Variants in CAV2 observed in about 807,000 individuals in gnomAD.
The protein encoded by CAV2 is caveolin-2.
In CAV2, 7 loss-of-function variants were observed where a neutral mutation model predicts 15.5. The ratio of observed to expected loss-of-function variants is 0.45; its 90% CI spans 0.26 to 0.85. The LOEUF (loss-of-function observed/expected upper bound fraction) is 0.85, where lower values mean the gene tolerates loss of function less well. Ranked by LOEUF, CAV2 falls within the 40% of genes least tolerant of loss-of-function variation. The pLI is 0.18. For missense variants in CAV2, 229 were observed against 208.8 expected (o/e 1.10, Z -0.60); for synonymous variants, 76 against 83.1 (o/e 0.91, Z 0.46).
rs200069822 is a variant in CAV2, at chr7:116,500,298, G to T, written c.189G>T (p.Thr63=). The part of the protein sequence containing the change: ...FEDVIAEPVT[T]HSFDKVWICS... Reference sequence around the variant, plus strand: ...ATGTGATCGCAGAGCCGGTGACTACGCACTCCTTTGACAAAGTGTGGATCT... The same window carrying T: ...ATGTGATCGCAGAGCCGGTGACTACTCACTCCTTTGACAAAGTGTGGATCT... The change falls in exon 2 of 3, where the codon ACG becomes ACT. Residue 63 remains threonine, a synonymous_variant. Coordinates refer to ENST00000222693, the MANE Select transcript of CAV2 (RefSeq NM_001233.5). 1 of 1,614,204 alleles carries T rather than the reference G, an allele frequency of 6.2e-7. No homozygotes were observed. The highest frequency in any genetic ancestry group is 1.3e-5 in the African/African-American group (1 of 75,062).
In CAV2 at chr7:116,500,360, T is replaced by A. The variant is rs764651052; in HGVS notation, c.251T>A (p.Met84Lys). The A allele has an allele frequency of 5.0e-6, 8 of 1,614,088 alleles. No individual in the cohort carries two copies. In the Admixed American group the frequency reaches 1.3e-4, roughly 27 times the overall value. ...HALFEISKYVMYKFLTVFLAI... is the reference protein window; with the variant it reads ...HALFEISKYVKYKFLTVFLAI... ...CTCTTTGAAATCAGCAAATACGTAA[T>A]GTACAAGTTCCTGACGGTGTTCCTG... Residue 84 changes from methionine to lysine, a missense_variant, in exon 2 of 3, where the codon ATG becomes AAG. By Grantham distance (95) the Met-to-Lys change is moderately conservative (BLOSUM62 -1). Transcript: ENST00000222693.
Position 116,500,436 on chromosome 7 carries a change from T to A in CAV2, c.327T>A (p.Cys109Ter). 2 of 1,613,024 alleles carry A rather than the reference T, an allele frequency of 1.2e-6. No individual in the cohort carries two copies. Among genetic ancestry groups the A allele is most frequent in the Non-Finnish European group, 1.7e-6 (2 of 1,179,572 alleles). ...IAGILFATLS[C>*]LHIWILMPFV... The stretch of plus-strand genomic sequence containing the variant: ...GAATTCTCTTTGCCACCCTCAGCTG[T>A]CTGCACATCTGGTGAGACGGGGCAC... The change falls in exon 2 of 3, where the codon TGT becomes TGA. Residue 109 changes from cysteine (C) to a stop codon, truncating the protein, a stop_gained. Coordinates refer to ENST00000222693, the MANE Select transcript of CAV2 (RefSeq NM_001233.5). LOFTEE classifies it high-confidence loss of function.
chr7:116,499,983 G>T, intron 1 of CAV2, 52 bp downstream of exon 1: 1 of 1,588,790 alleles, frequency 6.3e-7, no homozygotes, highest in Non-Finnish European at 8.6e-7. Context: ...GGGAGGTGCG[G>T]GCGCCCCTCA....
chr7:116,500,334 C>A lies in CAV2; in HGVS notation c.225C>A (p.Ala75=). 1 of 1,614,130 alleles carries A rather than the reference C, an allele frequency of 6.2e-7. No individual in the cohort carries two copies. Among genetic ancestry groups the A allele is most frequent in the South Asian group, 1.1e-5 (1 of 91,078 alleles). The change falls in exon 2 of 3, where the codon GCC becomes GCA. Residue 75 remains alanine (A), a synonymous_variant. Coordinates refer to ENST00000222693, the MANE Select transcript of CAV2 (RefSeq NM_001233.5). ...ACAAAGTGTGGATCTGCAGCCATGC[C>A]CTCTTTGAAATCAGCAAATACGTAA... ...SFDKVWICSH[A]LFEISKYVMY...
intron 2 of CAV2, among the ~76,000 whole-genome samples, chr7:116,505,722 G>T (rs1422779227): frequency 1.3e-5 from 2 of 152,090 alleles, no homozygotes; most frequent in Non-Finnish European, 2.9e-5. Flanking sequence ...ATTCATGAGG[G>T]ATCTACCCGC....
At chr7:116,504,520 ATATC>A (rs1793186810) in intron 2 of CAV2, among the ~76,000 whole-genome samples, 1 of 152,236 alleles carries the variant, frequency 6.6e-6, no homozygotes, top group Non-Finnish European at 1.5e-5. Flanking sequence ...TTCTAAAAAT[ATATC>A]AATCAATCAG....
At chr7:116,502,869 C>T (rs1349134162) in intron 2 of CAV2, among the ~76,000 whole-genome samples, 1 of 152,154 alleles carries the variant, frequency 6.6e-6, no homozygotes, top group Non-Finnish European at 1.5e-5. Context: ...GAGATAGCTG[C>T]TGTTTGTTAA....
At chr7:116,504,494 T>C (rs955468909) in intron 2 of CAV2, among the ~76,000 whole-genome samples, 3 of 152,236 alleles carry the variant, frequency 2.0e-5, no homozygotes, top group African/African-American at 7.2e-5. Flanking sequence ...AGACAGTCAA[T>C]GTGAATAATT....
At position 116,499,785 on chromosome 7, in the gene CAV2, G is replaced by T. The variant is rs867494050; in HGVS notation, c.4G>T (p.Gly2Trp). 3.2e-6 allele frequency: 5 copies of T among 1,565,464 alleles called. No individual in the cohort carries two copies. The African/African-American group carries it at 5.5e-5, about 17-fold the overall frequency. The change falls in exon 1 of 3, where the codon GGG (glycine) becomes TGG (tryptophan). Residue 2 changes from glycine (G) to tryptophan (W), a missense_variant. Gly to Trp is a radical substitution (Grantham distance 184, BLOSUM62 -2). Transcript: ENST00000222693. The part of the protein sequence containing the change: M[G>W]LETEKADVQL... ...GCGGCCGCGCACCAAGGCTGCGATGGGGCTGGAGACGGAGAAGGCGGACGT... is the reference window on the plus strand; with the variant it reads ...GCGGCCGCGCACCAAGGCTGCGATGTGGCTGGAGACGGAGAAGGCGGACGT...
rs79726298 is a variant in CAV2, at chr7:116,501,332, A to G, written c.338+885A>G. On this transcript the variant is annotated intron_variant, in intron 2 of 2. Transcript: ENST00000222693. Reference sequence around the variant, plus strand: ...GAAGAATATTCAGATCATCCCCAGTATCACAACAGTTGTCACGCTAGTGCT... The same window carrying G: ...GAAGAATATTCAGATCATCCCCAGTGTCACAACAGTTGTCACGCTAGTGCT... 18 of 152,360 alleles carry G rather than the reference A, an allele frequency of 1.2e-4. No individual in the cohort carries two copies. In the East Asian group the frequency reaches 2.7e-3, roughly 23 times the overall value. The allele number at this position is 152,360 out of a possible 1,614,324, so 9.4% of individuals were successfully genotyped here. A position where few individuals can be genotyped will look rare whatever the true frequency, so the allele number is the denominator to read the frequency against.
In CAV2 at chr7:116,500,271, G is replaced by T; in HGVS notation, c.162G>T (p.Glu54Asp). 1 of 1,613,986 alleles carries T rather than the reference G, an allele frequency of 6.2e-7. No individual in the cohort carries two copies. The highest frequency in any genetic ancestry group is 8.5e-7 in the Non-Finnish European group (1 of 1,179,902). ...RLNSHLKLGFEDVIAEPVTTH... is the reference protein window; with the variant it reads ...RLNSHLKLGFDDVIAEPVTTH... ...TCCTGTCTCCTCAGCTGGGCTTCGA[G>T]GATGTGATCGCAGAGCCGGTGACTA... The change falls in exon 2 of 3, where the codon GAG becomes GAT. Residue 54 changes from glutamate (E) to aspartate (D), a missense_variant. By Grantham distance (45) the Glu-to-Asp change is conservative. Transcript: ENST00000222693.
intron 1 of CAV2, 140 bp downstream of exon 1, chr7:116,500,071 A>T: frequency 2.7e-6 from 4 of 1,468,490 alleles, no homozygotes; most frequent in Non-Finnish European, 3.6e-6. Flanking sequence ...CCCCGGTCCC[A>T]CCCGTCACCA....
At position 116,500,440 on chromosome 7, in the gene CAV2, C is replaced by T; in HGVS notation, c.331C>T (p.His111Tyr). The change falls in exon 2 of 3, where the codon CAC becomes TAC. Residue 111 changes from histidine to tyrosine, a missense_variant. By Grantham distance (83) the His-to-Tyr change is moderately conservative. Coordinates refer to ENST00000222693, the MANE Select transcript of CAV2 (RefSeq NM_001233.5). ...TCTCTTTGCCACCCTCAGCTGTCTG[C>T]ACATCTGGTGAGACGGGGCACACCG... ...GILFATLSCL[H>Y]IWILMPFVKT... 2.5e-6 allele frequency: 4 copies of T among 1,612,376 alleles called. No homozygotes were observed. The highest frequency in any genetic ancestry group is 3.4e-6 in the Non-Finnish European group (4 of 1,179,278).
chr7:116,500,783 T>C (rs1228667052), intron 2 of CAV2: 2 of 277,578 alleles, frequency 7.2e-6, no homozygotes, highest in Non-Finnish European at 1.4e-5. Context: ...GACTCGTACC[T>C]GCGGTTCTGG....
chr7:116,500,573 A>G, intron 2 of CAV2, 126 bp downstream of exon 2: 1 of 855,400 alleles, frequency 1.2e-6, no homozygotes, highest in Non-Finnish European at 1.8e-6. Context: ...GTTCCCAAGC[A>G]GTAGGAAGAA....
At chr7:116,500,659 G>A (rs1455701962) in intron 2 of CAV2, 2 of 564,126 alleles carry the variant, frequency 3.5e-6, no homozygotes, top group Admixed American at 6.5e-5. Flanking sequence ...GAGAAAGAAT[G>A]TCGGTCTTTC....
At chr7:116,502,013 C>A (rs1481898794) in intron 2 of CAV2, among the ~76,000 whole-genome samples, 1 of 152,098 alleles carries the variant, frequency 6.6e-6, no homozygotes, top group Non-Finnish European at 1.5e-5. Context: ...AATCATCTAA[C>A]CTCTATGTCA....
At chr7:116,503,644 C>T (rs564248438) in intron 2 of CAV2, among the ~76,000 whole-genome samples, 205 of 152,112 alleles carry the variant, frequency 1.3e-3, no homozygotes, top group African/African-American at 4.9e-3. Flanking sequence ...GCCTGGCCAA[C>T]ATGGTGAAAC....
chr7:116,503,978 AAAGAAAGAAAAG>A (rs1793170313), intron 2 of CAV2, among the ~76,000 whole-genome samples: 3 of 151,212 alleles, frequency 2.0e-5, no homozygotes, highest in Non-Finnish European at 3.0e-5. Context: ...AGAAGGAAAG[AAAGAAAGAAAAG>A]AAGAAAGAAA....
Sources: allele counts gnomAD v4.1 joint callset (sites outside exome capture counted in the v4.1 genomes callset), GRCh38; gene constraint gnomAD v4.1.1; transcripts MANE v1.5; gene names NCBI Gene and HGNC (gene_info 2026-07-23, HGNC 2026-07-21).